The following GPC5 variants were observed in gnomAD, a reference collection of about 807,000 sequenced individuals.
GPC5 encodes the protein glypican-5.
A neutral mutation model predicts 53.9 loss-of-function variants in GPC5; 47 were observed. The observed-to-expected ratio is 0.87, with a 90% CI of 0.69 to 1.11. The LOEUF (loss-of-function observed/expected upper bound fraction) is 1.11. GPC5 is among the 50% of genes most tolerant of loss of function. GPC5 has a pLI of 0.00. For missense variants in GPC5, 748 were observed against 713.1 expected (o/e 1.05, Z -0.56); for synonymous variants, 286 against 263.3 (o/e 1.09, Z -0.84).
At chr13:92,720,363 G>A (rs778346471) in intron 7 of GPC5, among the ~76,000 whole-genome samples, 6 of 152,094 alleles carry the variant, frequency 3.9e-5, no homozygotes, top group Non-Finnish European at 7.4e-5. Context: ...GAAAACATAA[G>A]CAGAGGCATT....
At chr13:92,712,387 A>G (rs1220450321) in intron 7 of GPC5, among the ~76,000 whole-genome samples, 4 of 152,014 alleles carry the variant, frequency 2.6e-5, no homozygotes, top group African/African-American at 7.2e-5. Flanking sequence ...TCATTTAAAA[A>G]TCAACCCAGG....
chr13:92,341,992 T>C (rs561465170), intron 7 of GPC5, among the ~76,000 whole-genome samples: 1 of 152,264 alleles, frequency 6.6e-6, no homozygotes, highest in African/African-American at 2.4e-5. Context: ...ATAATTTGCC[T>C]TACTATTATC....
chr13:92,500,423 G>A (rs1880139241), intron 7 of GPC5, among the ~76,000 whole-genome samples: 1 of 152,130 alleles, frequency 6.6e-6, no homozygotes, highest in Non-Finnish European at 1.5e-5. Context: ...CCCAGGAGTA[G>A]AGAGCAATCA....
intron 6 of GPC5, among the ~76,000 whole-genome samples, chr13:92,036,130 T>C (rs1186970214): frequency 6.6e-6 from 1 of 152,244 alleles, no homozygotes. Flanking sequence ...TAGTCTGTTG[T>C]CTATTAGTCT....
At chr13:92,734,326 C>CA (rs1255886842) in intron 7 of GPC5, among the ~76,000 whole-genome samples, 1 of 151,798 alleles carries the variant, frequency 6.6e-6, no homozygotes, top group African/African-American at 2.4e-5. Context: ...CTCTTCCTGT[C>CA]ATCTCTTGGT....
chr13:92,508,751 G>A (rs1249865997), intron 7 of GPC5, among the ~76,000 whole-genome samples: 1 of 152,138 alleles, frequency 6.6e-6, no homozygotes, highest in East Asian at 1.9e-4. Context: ...CAATAAATTA[G>A]TCAAGTCATA....
chr13:91,551,764 G>A lies in GPC5; in HGVS notation c.325+102842G>A, dbSNP rs867637922. ...TTGAATGAATTGATTTAATGAGAAT[G>A]TATTTGGTTCTTAACACTAGGAGAG... On this transcript the variant is annotated intron_variant, in intron 2 of 7. Transcript: ENST00000377067. Among the ~76,000 whole-genome samples, 5 of 152,058 alleles carry A rather than the reference G, an allele frequency of 3.3e-5. No homozygotes were observed. In the East Asian group the frequency reaches 9.6e-4, roughly 29 times the overall value.
At chr13:92,051,969 G>A (rs1484686931) in intron 6 of GPC5, among the ~76,000 whole-genome samples, 2 of 152,136 alleles carry the variant, frequency 1.3e-5, no homozygotes, top group African/African-American at 4.8e-5. Context: ...CCTAGTGAGA[G>A]CAAATAAAGT....
At chr13:92,372,825 A>G (rs1020513800) in intron 7 of GPC5, among the ~76,000 whole-genome samples, 33 of 152,308 alleles carry the variant, frequency 2.2e-4, no homozygotes, top group Admixed American at 1.2e-3. Flanking sequence ...ATTGTTAAGA[A>G]AAGCTATCTG....
intron 7 of GPC5, among the ~76,000 whole-genome samples, chr13:92,317,608 C>G (rs8001750): frequency 0.029 from 4,366 of 152,228 alleles, 218 homozygotes; most frequent in African/African-American, 0.1. Context: ...ATACTCATGC[C>G]TCAGCCTCCT....
chr13:92,377,060 C>A (rs893698037), intron 7 of GPC5, among the ~76,000 whole-genome samples: 17 of 151,996 alleles, frequency 1.1e-4, no homozygotes, highest in African/African-American at 3.9e-4. Flanking sequence ...TGAAGTAAGA[C>A]AGTCATGTGG....
chr13:91,760,162 CATTTA>C (rs1168794656), intron 5 of GPC5, among the ~76,000 whole-genome samples: 1 of 152,012 alleles, frequency 6.6e-6, no homozygotes, highest in Non-Finnish European at 1.5e-5. Context: ...GCTATTTATA[CATTTA>C]ATTTCTACTA....
At chr13:91,523,574 A>G (rs981850928) in intron 2 of GPC5, among the ~76,000 whole-genome samples, 1 of 152,190 alleles carries the variant, frequency 6.6e-6, no homozygotes, top group African/African-American at 2.4e-5. Flanking sequence ...AGGAGCATGG[A>G]TGGGGTTTAG....
At position 91,477,788 on chromosome 13, in the gene GPC5, A is replaced by G. The variant is rs191440083; in HGVS notation, c.325+28866A>G. Among the ~76,000 whole-genome samples, 16 of 152,328 alleles carry G rather than the reference A, an allele frequency of 1.1e-4. 1 individual carries two copies. The East Asian group carries it at 3.1e-3, about 29-fold the overall frequency. On this transcript the variant is annotated intron_variant, in intron 2 of 7. Transcript: ENST00000377067. ...CATGTGAAATGAGAAGGAGAGGCCC[A>G]ATGCTATGCGGCATAGTCTTTCTAT... is the stretch of plus-strand genomic sequence containing the variant.
intron 7 of GPC5, among the ~76,000 whole-genome samples, chr13:92,861,404 T>G (rs1408182174): frequency 6.6e-6 from 1 of 152,180 alleles, no homozygotes; most frequent in Non-Finnish European, 1.5e-5. Flanking sequence ...CTGGTTACAC[T>G]CTCCTCTCTG....
chr13:92,449,629 T>A (rs1877978611), intron 7 of GPC5, among the ~76,000 whole-genome samples: 1 of 152,128 alleles, frequency 6.6e-6, no homozygotes, highest in Non-Finnish European at 1.5e-5. Context: ...AATGGAATAA[T>A]TTGATAAGAG....
chr13:91,517,218 T>C (rs1594197036), intron 2 of GPC5, among the ~76,000 whole-genome samples: 1 of 152,200 alleles, frequency 6.6e-6, no homozygotes, highest in Admixed American at 6.5e-5. Context: ...TCAGGCTGCA[T>C]ATTTTCCAAA....
intron 6 of GPC5, among the ~76,000 whole-genome samples, chr13:92,046,556 G>A (rs545642805): frequency 6.6e-5 from 10 of 152,150 alleles, no homozygotes; most frequent in Non-Finnish European, 1.2e-4. Context: ...TCTTTCAAGC[G>A]AATACCGATT....
chr13:92,145,482 C>CA (rs377533178), intron 7 of GPC5, among the ~76,000 whole-genome samples: 321 of 139,160 alleles, frequency 2.3e-3, no homozygotes, highest in African/African-American at 3.5e-3. Flanking sequence ...TTTCCCCTTC[C>CA]AAAAAAAAAA....
Sources: gnomAD v4.1 joint callset for allele counts (sites outside exome capture counted in the v4.1 genomes callset) on GRCh38, gnomAD v4.1.1 for gene constraint, MANE v1.5 for transcripts, NCBI Gene and HGNC (gene_info 2026-07-23, HGNC 2026-07-21) for gene names.